The following ASCC3 variants were observed in gnomAD, a reference collection of about 807,000 sequenced individuals.
ASCC3 encodes the protein ASC-1 complex subunit P200.
In ASCC3, 158 loss-of-function variants were observed where a neutral mutation model predicts 256.3. That is an observed-to-expected ratio of 0.62 (90% confidence interval 0.54 to 0.70). The LOEUF is 0.70. ASCC3 is among the 30% of genes least tolerant of loss of function. The pLI, the probability that ASCC3 is intolerant of heterozygous loss-of-function variation, is 0.00. For missense variants in ASCC3, 2,259 were observed against 2,626.0 expected (o/e 0.86, Z 3.05); for synonymous variants, 948 against 883.4 (o/e 1.07, Z -1.30).
rs181441957 is a variant in ASCC3 at position 100,766,461 on chromosome 6, T to C, written c.1737+104A>G. ...CAAATAAAAGTTCACTATATTATGTTTGTATTATGTATTCTAGTTATTTAA... is the reference window on the plus strand; with the variant it reads ...CAAATAAAAGTTCACTATATTATGTCTGTATTATGTATTCTAGTTATTTAA... On this transcript the variant is annotated intron_variant, in intron 10 of 41. Transcript: ENST00000369162. 9.7e-5 allele frequency: 115 copies of C among 1,189,976 alleles called. No individual in the cohort carries two copies. In the African/African-American group the frequency reaches 1.5e-3, roughly 15 times the overall value. 73.7% of individuals were successfully genotyped at this position (1,189,976 alleles called of 1,614,324 possible).
At chr6:100,758,212 G>A (rs1301591158) in intron 10 of ASCC3, among the ~76,000 whole-genome samples, 1 of 152,154 alleles carries the variant, frequency 6.6e-6, no homozygotes, top group African/African-American at 2.4e-5. Flanking sequence ...TGACAAAGAT[G>A]TTGGAATTAT....
At chr6:100,633,513 T>C (rs961225950) in intron 25 of ASCC3, among the ~76,000 whole-genome samples, 2 of 152,078 alleles carry the variant, frequency 1.3e-5, no homozygotes, top group Non-Finnish European at 2.9e-5. Context: ...CCGAGACTGC[T>C]AAGATCTGTG....
intron 30 of ASCC3, among the ~76,000 whole-genome samples, chr6:100,615,811 A>G (rs1486573147): frequency 1.3e-5 from 2 of 152,188 alleles, no homozygotes; most frequent in Admixed American, 1.3e-4. Flanking sequence ...ACTGGTTTCA[A>G]ACATTCAGTG....
At chr6:100,796,858 A>G (rs1273611418) in intron 8 of ASCC3, among the ~76,000 whole-genome samples, 1 of 152,166 alleles carries the variant, frequency 6.6e-6, no homozygotes, top group African/African-American at 2.4e-5. Flanking sequence ...TGAATAGTTT[A>G]AAACAAAAAC....
At chr6:100,613,348 G>T (rs1773504713) in intron 30 of ASCC3, among the ~76,000 whole-genome samples, 1 of 151,564 alleles carries the variant, frequency 6.6e-6, no homozygotes, top group South Asian at 2.1e-4. Flanking sequence ...TGGGTACATA[G>T]TCACATGTAT....
At chr6:100,691,846 A>C (rs542009871) in intron 13 of ASCC3, among the ~76,000 whole-genome samples, 2 of 152,016 alleles carry the variant, frequency 1.3e-5, no homozygotes, top group East Asian at 3.9e-4. Context: ...CCTATGTTCA[A>C]ATCATAGCTC....
At chr6:100,839,601 C>A (rs574085881) in intron 4 of ASCC3, among the ~76,000 whole-genome samples, 2 of 152,198 alleles carry the variant, frequency 1.3e-5, no homozygotes, top group South Asian at 4.1e-4. Flanking sequence ...CAAATCACAA[C>A]AAAAGTGATG....
chr6:100,756,879 A>G (rs1410290249), intron 10 of ASCC3, among the ~76,000 whole-genome samples: 1 of 152,136 alleles, frequency 6.6e-6, no homozygotes, highest in African/African-American at 2.4e-5. Flanking sequence ...GTGACAAATA[A>G]TACAAGATAT....
At chr6:100,787,673 T>C (rs1301538609) in intron 8 of ASCC3, among the ~76,000 whole-genome samples, 1 of 152,162 alleles carries the variant, frequency 6.6e-6, no homozygotes, top group Non-Finnish European at 1.5e-5. Context: ...TGTATGTATA[T>C]GATCAACTGA....
chr6:100,678,764 A>G (rs1413729125), intron 14 of ASCC3, among the ~76,000 whole-genome samples: 1 of 152,176 alleles, frequency 6.6e-6, no homozygotes, highest in African/African-American at 2.4e-5. Flanking sequence ...AAAGAAACAG[A>G]AAGTAATTTA....
intron 13 of ASCC3, among the ~76,000 whole-genome samples, chr6:100,682,206 G>GT (rs931786326): frequency 1.4e-5 from 2 of 145,326 alleles, no homozygotes; most frequent in Non-Finnish European, 3.1e-5. Context: ...TTAAAATGAA[G>GT]TTTTTTGTAA....
At chr6:100,586,449 C>T (rs764830061) in intron 36 of ASCC3, among the ~76,000 whole-genome samples, 20 of 152,112 alleles carry the variant, frequency 1.3e-4, no homozygotes, top group African/African-American at 1.9e-4. Context: ...GTGCAGTATT[C>T]GGGTGGGAGC....
In ASCC3 at chr6:100,843,471, C is replaced by T. The variant is rs76972319; in HGVS notation, c.801+4677G>A. The stretch of plus-strand genomic sequence containing the variant: ...GGTTGTATCAATAAAACTCAAAACT[C>T]TCTTTTTCTAAAAACTGATTATACA... On this transcript the variant is annotated intron_variant, in intron 4 of 41. Transcript: ENST00000369162. 5.0e-3 allele frequency among the ~76,000 whole-genome samples: 759 copies of T among 152,278 alleles called. 4 individuals carry two copies. Among genetic ancestry groups the T allele is most frequent in the Non-Finnish European group, 9.0e-3 (614 of 68,024 alleles).
intron 4 of ASCC3, among the ~76,000 whole-genome samples, chr6:100,824,629 G>A (rs1202669823): frequency 3.3e-5 from 5 of 152,052 alleles, no homozygotes; most frequent in African/African-American, 9.7e-5. Flanking sequence ...ATTGTTCATC[G>A]CTCTCCCCTG....
intron 8 of ASCC3, among the ~76,000 whole-genome samples, chr6:100,786,477 C>G (rs1769088287): frequency 6.6e-6 from 1 of 152,044 alleles, no homozygotes; most frequent in South Asian, 2.1e-4. Context: ...AATAATTACC[C>G]TTGATTCAAC....
chr6:100,679,211 TAAA>T (rs36067632), intron 14 of ASCC3, among the ~76,000 whole-genome samples: 1 of 130,594 alleles, frequency 7.7e-6, no homozygotes. Context: ...TTACATTGCT[TAAA>T]AAAAAAAAAA....
In ASCC3 at chr6:100,668,575, A is replaced by G. The variant is rs376419392; in HGVS notation, c.2287-6039T>C. Among the ~76,000 whole-genome samples, 13 of 152,136 alleles carry G rather than the reference A, an allele frequency of 8.5e-5. No homozygotes were observed. In the East Asian group the frequency reaches 2.5e-3, roughly 29 times the overall value. The stretch of plus-strand genomic sequence containing the variant: ...AACAGAACACTTAAACTGATTCTAC[A>G]AGCGAATATAATGGCACTGATATTA... On this transcript the variant is annotated intron_variant, in intron 14 of 41. Transcript: ENST00000369162.
At position 100,647,368 on chromosome 6, in the gene ASCC3, A is replaced by G; in HGVS notation, c.3336T>C (p.Leu1112=). 6.2e-7 allele frequency: 1 copy of G among 1,614,006 alleles called. No homozygotes were observed. Among genetic ancestry groups the G allele is most frequent in the Admixed American group, 1.7e-5 (1 of 60,014 alleles). ...AAAGCCTCTTGTCAATGACTTTACT[A>G]AGATTCAGGAGCCTGTAGGTCATGG... is the stretch of plus-strand genomic sequence containing the variant. ...WPTMTYRLLN[L]SKVIDKRLWG... The change falls in exon 21 of 42, where the codon CTT becomes CTC. Residue 1112 remains leucine, a synonymous_variant. Coordinates refer to ENST00000369162, the MANE Select transcript of ASCC3 (RefSeq NM_006828.4).
intron 10 of ASCC3, among the ~76,000 whole-genome samples, chr6:100,757,243 TACA>T (rs1309856462): frequency 1.7e-5 from 1 of 58,438 alleles, no homozygotes; most frequent in East Asian, 3.2e-4. Context: ...GATACAGATA[TACA>T]CACACAAACA....
Sources: gnomAD v4.1 joint callset for allele counts (sites outside exome capture counted in the v4.1 genomes callset) on GRCh38, gnomAD v4.1.1 for gene constraint, MANE v1.5 for transcripts, NCBI Gene and HGNC (gene_info 2026-07-23, HGNC 2026-07-21) for gene names.